KCNB2: variants seen among roughly 807,000 people sequenced by gnomAD.
KCNB2 encodes delayed rectifier potassium channel protein.
A neutral mutation model predicts 61.5 loss-of-function variants in KCNB2; 15 were observed. The observed-to-expected ratio is 0.24, with a 90% confidence interval of 0.16 to 0.38. The LOEUF (loss-of-function observed/expected upper bound fraction) is 0.38. Ranked by LOEUF, KCNB2 falls within the 10% of genes least tolerant of loss-of-function variation. The pLI is 1.00. For missense variants in KCNB2, 828 were observed against 1,125.2 expected (o/e 0.74, Z 3.78); for synonymous variants, 457 against 446.0 (o/e 1.02, Z -0.31).
At chr8:72,552,830 C>G (rs1806365620) in intron 1 of KCNB2, among the ~76,000 whole-genome samples, 1 of 152,066 alleles carries the variant, frequency 6.6e-6, no homozygotes, top group Non-Finnish European at 1.5e-5. Flanking sequence ...CTGTAAGTAT[C>G]TATGTCATAT....
chr8:72,745,575 T>G (rs1405813210), intron 2 of KCNB2, among the ~76,000 whole-genome samples: 1 of 152,194 alleles, frequency 6.6e-6, no homozygotes, highest in Non-Finnish European at 1.5e-5. Flanking sequence ...CATGAAACTT[T>G]CATCATTCCC....
At chr8:72,614,728 G>A (rs778714990) in intron 2 of KCNB2, among the ~76,000 whole-genome samples, 7 of 152,010 alleles carry the variant, frequency 4.6e-5, no homozygotes, top group Non-Finnish European at 7.4e-5. Context: ...TCTCCCTTCC[G>A]TTGGTTCTGT....
At chr8:72,602,042 G>T (rs1293758850) in intron 2 of KCNB2, among the ~76,000 whole-genome samples, 2 of 152,168 alleles carry the variant, frequency 1.3e-5, no homozygotes, top group South Asian at 4.1e-4. Flanking sequence ...TTCACTGTGT[G>T]CCTGGGTTGC....
At chr8:72,887,500 C>T (rs6996830) in intron 2 of KCNB2, among the ~76,000 whole-genome samples, 4,320 of 152,192 alleles carry the variant, frequency 0.028, 206 homozygotes, top group African/African-American at 0.095. Flanking sequence ...AGAAGATGGG[C>T]CCAGTCTCTA....
intron 2 of KCNB2, among the ~76,000 whole-genome samples, chr8:72,581,329 C>G (rs1806892229): frequency 6.6e-6 from 1 of 152,108 alleles, no homozygotes; most frequent in Non-Finnish European, 1.5e-5. Context: ...ACCTGTTTTC[C>G]CCTAGTTCTC....
intron 2 of KCNB2, among the ~76,000 whole-genome samples, chr8:72,706,752 G>A (rs1420109582): frequency 2.0e-5 from 3 of 152,172 alleles, no homozygotes; most frequent in Non-Finnish European, 4.4e-5. Flanking sequence ...GAATAGGGAT[G>A]GGCAAAGTTG....
At chr8:72,849,008 TTTAACA>T (rs1271310570) in intron 2 of KCNB2, among the ~76,000 whole-genome samples, 1 of 150,340 alleles carries the variant, frequency 6.7e-6, no homozygotes, top group Admixed American at 6.6e-5. Flanking sequence ...TTTCATCATC[TTTAACA>T]TTATATAATG....
intron 2 of KCNB2, among the ~76,000 whole-genome samples, chr8:72,722,333 C>T (rs1383973480): frequency 6.6e-6 from 1 of 152,210 alleles, no homozygotes; most frequent in East Asian, 1.9e-4. Flanking sequence ...GATGGCTTCT[C>T]ATTGCTTGCA....
chr8:72,553,103 A>G (rs1050783313), intron 1 of KCNB2, among the ~76,000 whole-genome samples: 1 of 152,172 alleles, frequency 6.6e-6, no homozygotes, highest in Non-Finnish European at 1.5e-5. Flanking sequence ...ATACAGTTCA[A>G]ATCATTAGCA....
intron 2 of KCNB2, among the ~76,000 whole-genome samples, chr8:72,820,934 T>C (rs753081580): frequency 1.3e-5 from 2 of 152,210 alleles, no homozygotes; most frequent in Non-Finnish European, 2.9e-5. Context: ...CATATTTTCA[T>C]ACAAACCAAA....
chr8:72,612,214 T>C (rs1805553276), intron 2 of KCNB2, among the ~76,000 whole-genome samples: 1 of 152,154 alleles, frequency 6.6e-6, no homozygotes, highest in Non-Finnish European at 1.5e-5. Flanking sequence ...TATTGCCCCA[T>C]TCCAACTTAA....
intron 1 of KCNB2, among the ~76,000 whole-genome samples, chr8:72,553,285 C>A (rs1806374453): frequency 6.6e-6 from 1 of 151,968 alleles, no homozygotes; most frequent in Non-Finnish European, 1.5e-5. Flanking sequence ...GCTTTTAATC[C>A]TTTGAAATTG....
chr8:72,912,156 A>G lies in KCNB2; in HGVS notation c.580-23779A>G, dbSNP rs28376110. Among the ~76,000 whole-genome samples the G allele has an allele frequency of 3.7e-3, 568 of 152,258 alleles. 2 individuals carry two copies. Among genetic ancestry groups the G allele is most frequent in the African/African-American group, 0.013 (533 of 41,546 alleles). ...GCATCTTCATGTGGGTCATTTTCAC[A>G]TGATTCCTTCCCAATTTATGTCACT... is the stretch of plus-strand genomic sequence containing the variant. On this transcript the variant is annotated intron_variant, in intron 2 of 2. Transcript: ENST00000523207.
chr8:72,704,244 A>T (rs776211148), intron 2 of KCNB2, among the ~76,000 whole-genome samples: 1 of 152,196 alleles, frequency 6.6e-6, no homozygotes, highest in Non-Finnish European at 1.5e-5. Flanking sequence ...AATGGCATTA[A>T]TGACTACTAA....
chr8:72,637,871 T>C (rs1563545683), intron 2 of KCNB2, among the ~76,000 whole-genome samples: 1 of 152,022 alleles, frequency 6.6e-6, no homozygotes, highest in Non-Finnish European at 1.5e-5. Flanking sequence ...AGGAAGGTAG[T>C]TGAGAGGGAG....
intron 2 of KCNB2, among the ~76,000 whole-genome samples, chr8:72,608,200 A>T (rs866376015): frequency 2.0e-5 from 3 of 152,146 alleles, no homozygotes; most frequent in Middle Eastern, 3.2e-3. Flanking sequence ...TGCTTTGTGC[A>T]CATCTGTGGC....
intron 2 of KCNB2, among the ~76,000 whole-genome samples, chr8:72,692,495 T>C (rs1271106261): frequency 6.6e-6 from 1 of 152,144 alleles, no homozygotes; most frequent in East Asian, 1.9e-4. Context: ...TAAAATTTAG[T>C]GTGAAAGTTC....
intron 2 of KCNB2, among the ~76,000 whole-genome samples, chr8:72,894,701 A>G (rs964152675): frequency 2.6e-4 from 40 of 152,276 alleles, no homozygotes; most frequent in African/African-American, 9.1e-4. Flanking sequence ...TGACTGGTCT[A>G]AACTCCATTT....
chr8:72,585,349 G>A (rs1013976725), intron 2 of KCNB2, among the ~76,000 whole-genome samples: 4 of 152,118 alleles, frequency 2.6e-5, no homozygotes, highest in Non-Finnish European at 5.9e-5. Context: ...GCATTTATTT[G>A]TTTCTTCTTG....
Sources: gnomAD v4.1 joint callset for allele counts (sites outside exome capture counted in the v4.1 genomes callset) on GRCh38, gnomAD v4.1.1 for gene constraint, MANE v1.5 for transcripts, NCBI Gene and HGNC (gene_info 2026-07-23, HGNC 2026-07-21) for gene names.